The following TAF9B variants were observed in gnomAD, a reference collection of about 807,000 sequenced individuals.
TAF9B encodes TATA-box binding protein associated factor 9b.
Under a neutral mutation model 17.6 loss-of-function variants are expected in TAF9B, and 47 were observed. The observed-to-expected ratio is 2.68, with a 90% CI of 2.12 to 3.41. TAF9B has a LOEUF of 3.41. Among genes scored for constraint, TAF9B ranks in the 30% most tolerant of loss-of-function variants. The probability of loss-of-function intolerance (pLI) is 0.00; values close to 1 mark genes in which losing one functional copy is unlikely to be tolerated. For synonymous variants in TAF9B, 84 were observed against 68.7 expected (o/e 1.22, Z -1.10); for missense variants, 218 against 189.3 (o/e 1.15, Z -0.89).
At chrX:78,132,715 T>C (rs1477270361) in intron 6 of TAF9B, among the ~76,000 whole-genome samples, 1 of 110,659 alleles carries the variant, frequency 9.0e-6, no homozygotes, top group African/African-American at 3.3e-5. Context: ...CATACACATA[T>C]TCATCACTAA....
rs377353206 is a variant in TAF9B at position 78,133,487 on chromosome X, T to C, written c.482-39A>G. The C allele has an allele frequency of 1.1e-5, 11 of 975,308 alleles. No individual in the cohort carries two copies. The African/African-American group carries it at 2.1e-4, about 19-fold the overall frequency. 80.4% of individuals were successfully genotyped at this position (975,308 alleles called of 1,213,427 possible). On this transcript the variant is annotated intron_variant, in intron 5 of 6. Transcript: ENST00000341864. ...AAACAGACCATGTTTGTTAGGTGAC[T>C]TATACAGATTTATATTCTACACTCA... is the stretch of plus-strand genomic sequence containing the variant.
intron 6 of TAF9B, among the ~76,000 whole-genome samples, chrX:78,132,453 A>G (rs1338222029): frequency 1.8e-5 from 2 of 111,947 alleles, no homozygotes; most frequent in East Asian, 5.5e-4. Flanking sequence ...ATCATGCAAC[A>G]TATTAAACAA....
intron 5 of TAF9B, among the ~76,000 whole-genome samples, chrX:78,136,626 T>C (rs2078435312): frequency 8.9e-6 from 1 of 112,167 alleles, no homozygotes; most frequent in Admixed American, 9.5e-5. Context: ...AGGCGTAAAG[T>C]ACACAGCTAA....
At chrX:78,135,109 T>C (rs1202810412) in intron 5 of TAF9B, among the ~76,000 whole-genome samples, 1 of 104,814 alleles carries the variant, frequency 9.5e-6, no homozygotes, top group Non-Finnish European at 2.0e-5. Context: ...CCCGCCACCA[T>C]GCCTGGCTAA....
chrX:78,139,449 A>G (rs1213301550), intron 1 of TAF9B, 112 bp downstream of exon 1: 6 of 1,092,514 alleles, frequency 5.5e-6, no homozygotes, highest in Admixed American at 4.7e-5. Flanking sequence ...GACGGCCCTG[A>G]CTAGACTGAA....
At position 78,130,293 on chromosome X, in the gene TAF9B, A is replaced by G. The variant is rs782810061; in HGVS notation, c.*1317T>C. ...AATTCTACAAAAGTATGTTGAACTT[A>G]AGAAAAACAAAACAGGTGTGTTTAT... On this transcript the variant is annotated 3_prime_UTR_variant, in exon 7 of 7. Transcript: ENST00000341864. 44 of 112,270 alleles carry G rather than the reference A, an allele frequency of 3.9e-4. No homozygotes were observed. The highest frequency in any genetic ancestry group is 1.4e-3 in the African/African-American group (44 of 30,844). The allele number at this position is 112,270 out of a possible 1,213,427, so 9.3% of individuals were successfully genotyped here. A position where few individuals can be genotyped will look rare whatever the true frequency, so the allele number is the denominator to read the frequency against.
At position 78,130,171 on chromosome X, in the gene TAF9B, T is replaced by TTTC. The variant is rs1201160972; in HGVS notation, c.*1436_*1438dup. 4.4e-5 allele frequency: 5 copies of TTTC among 112,636 alleles called. No homozygotes were observed. The highest frequency in any genetic ancestry group is 9.4e-5 in the Non-Finnish European group (5 of 53,356). 9.3% of individuals were successfully genotyped at this position (112,636 alleles called of 1,213,427 possible). On this transcript the variant is annotated 3_prime_UTR_variant, in exon 7 of 7. Transcript: ENST00000341864. ...AGACATTTCTTCTCTGTTACTGGAC[T>TTTC]TTCTTAGATATATCAAACACTATCC... is the stretch of plus-strand genomic sequence containing the variant.
chrX:78,135,657 T>C (rs2078431487), intron 5 of TAF9B, among the ~76,000 whole-genome samples: 1 of 111,649 alleles, frequency 9.0e-6, no homozygotes. Context: ...TCAGGCGTTT[T>C]TTGGTAGTGC....
intron 2 of TAF9B, among the ~76,000 whole-genome samples, chrX:78,138,523 C>T (rs1165295175): frequency 1.8e-5 from 2 of 112,480 alleles, no homozygotes; most frequent in African/African-American, 6.5e-5. Context: ...CTTTGGGAGG[C>T]CGAGATGGGG....
chrX:78,137,884 C>G lies in TAF9B; in HGVS notation c.271-1G>C, dbSNP rs782169338. The G allele has an allele frequency of 5.9e-6, 7 of 1,195,244 alleles. No homozygotes were observed. The highest frequency in any genetic ancestry group is 2.4e-5 in the Admixed American group (1 of 41,122). ...TCTGCCTTGCGATATCCAGTAAAAACTTAAAAAAAAAATCCTTATTAGAAC... is the reference window on the plus strand; with the variant it reads ...TCTGCCTTGCGATATCCAGTAAAAAGTTAAAAAAAAAATCCTTATTAGAAC... On this transcript the variant is annotated splice_acceptor_variant, in intron 3 of 6. Coordinates refer to ENST00000341864, the MANE Select transcript of TAF9B (RefSeq NM_015975.5). LOFTEE classifies it high-confidence loss of function.
At position 78,131,712 on chromosome X, in the gene TAF9B, AT is replaced by A. The variant is rs1569550995; in HGVS notation, c.653del (p.Asn218IlefsTer21). 4.1e-6 allele frequency: 5 copies of A among 1,208,442 alleles called. No individual in the cohort carries two copies. The highest frequency in any genetic ancestry group is 1.8e-5 in the African/African-American group (1 of 57,099). ...LINPSMIGPK[N>X]ILITTNMVSS... ...AAACCATGTTGGTGGTAATAAGAAT[AT>A]TTTTGGGCCCAATCATTGAAGGATT... On this transcript the variant is annotated frameshift_variant, in exon 7 of 7. Transcript: ENST00000341864. LOFTEE classifies it high-confidence loss of function.
chrX:78,129,887 AC>A lies in TAF9B; in HGVS notation c.*1722del, dbSNP rs1424921673. On this transcript the variant is annotated 3_prime_UTR_variant, in exon 7 of 7. Coordinates refer to ENST00000341864, the MANE Select transcript of TAF9B (RefSeq NM_015975.5). ...CTGTGAGGTAGGCAGGGTAGGTGTT[AC>A]TTTCCTACTGCTAGTGAGGAGAACA... 4.5e-5 allele frequency: 5 copies of A among 112,254 alleles called. No homozygotes were observed. Among genetic ancestry groups the A allele is most frequent in the Non-Finnish European group, 9.4e-5 (5 of 53,243 alleles). The allele number at this position is 112,254 out of a possible 1,213,427, so 9.3% of individuals were successfully genotyped here. A position where few individuals can be genotyped will look rare whatever the true frequency, so the allele number is the denominator to read the frequency against.
rs2078404769 is a variant in TAF9B at position 78,130,478 on chromosome X, C to CT, written c.*1131dup. On this transcript the variant is annotated 3_prime_UTR_variant, in exon 7 of 7. Transcript: ENST00000341864. ...ACATTAATTTGTTTTCTTTGTTGGC[C>CT]TTATAGAGGATGAACCATTAGTGTC... The CT allele has an allele frequency of 8.9e-6, 1 of 112,024 alleles. No individual in the cohort carries two copies. The highest frequency in any genetic ancestry group is 1.9e-5 in the Non-Finnish European group (1 of 53,189). The allele number at this position is 112,024 out of a possible 1,213,427, so 9.2% of individuals were successfully genotyped here. A position where few individuals can be genotyped will look rare whatever the true frequency, so the allele number is the denominator to read the frequency against.
intron 4 of TAF9B, among the ~76,000 whole-genome samples, 197 bp downstream of exon 4, chrX:78,137,552 C>A (rs1557250173): frequency 2.7e-5 from 3 of 111,432 alleles, no homozygotes. Flanking sequence ...GGCCCTGCTT[C>A]CTGATGTGAA....
At chrX:78,138,264 C>A (rs782198000) in intron 2 of TAF9B, among the ~76,000 whole-genome samples, 166 bp from the exon 3 acceptor site, 170 of 112,150 alleles carry the variant, frequency 1.5e-3, no homozygotes, top group African/African-American at 5.3e-3. Flanking sequence ...CTGGCCTCCC[C>A]GCGACAGCCT....
intron 6 of TAF9B, among the ~76,000 whole-genome samples, chrX:78,132,775 G>A (rs1410676663): frequency 9.0e-6 from 1 of 110,754 alleles, no homozygotes; most frequent in East Asian, 2.8e-4. Flanking sequence ...CCTTGAAGAC[G>A]ACTTAGATTT....
chrX:78,136,733 T>A (rs1272472576), intron 5 of TAF9B, among the ~76,000 whole-genome samples, 182 bp downstream of exon 5: 1 of 112,365 alleles, frequency 8.9e-6, no homozygotes, highest in Non-Finnish European at 1.9e-5. Flanking sequence ...TCCTTGTGGC[T>A]TTCTCATTTT....
chrX:78,134,535 CCAGAGATA>C (rs2078426816), intron 5 of TAF9B, among the ~76,000 whole-genome samples: 1 of 111,665 alleles, frequency 9.0e-6, no homozygotes, highest in Non-Finnish European at 1.9e-5. Flanking sequence ...AGCAGTCTAC[CCAGAGATA>C]GAGTTGCTGA....
Position 78,130,314 on chromosome X carries a change from T to C in TAF9B, c.*1296A>G, listed in dbSNP as rs2078404109. Reference sequence around the variant, plus strand: ...ACTTAAGAAAAACAAAACAGGTGTGTTTATATTCTCAAAAGCTTTGCCATC... The same window carrying C: ...ACTTAAGAAAAACAAAACAGGTGTGCTTATATTCTCAAAAGCTTTGCCATC... On this transcript the variant is annotated 3_prime_UTR_variant, in exon 7 of 7. Transcript: ENST00000341864. The C allele has an allele frequency of 8.9e-6, 1 of 112,432 alleles. No individual in the cohort carries two copies. The allele number at this position is 112,432 out of a possible 1,213,427, so 9.3% of individuals were successfully genotyped here.
Sources: allele counts gnomAD v4.1 joint callset (sites outside exome capture counted in the v4.1 genomes callset), GRCh38; gene constraint gnomAD v4.1.1; transcripts MANE v1.5; gene names NCBI Gene and HGNC (gene_info 2026-07-23, HGNC 2026-07-21).